SDK1: variants seen among roughly 807,000 people sequenced by gnomAD.
The protein encoded by SDK1 is protein sidekick-1.
Under a neutral mutation model 245.5 loss-of-function variants are expected in SDK1, and 157 were observed. That is an observed-to-expected ratio of 0.64 (90% CI 0.56 to 0.73). The LOEUF (loss-of-function observed/expected upper bound fraction) is 0.73. Ranked by LOEUF, SDK1 falls within the 30% of genes least tolerant of loss-of-function variation. The pLI is 0.00. For missense variants in SDK1, 3,583 were observed against 3,002.3 expected (o/e 1.19, Z -4.52); for synonymous variants, 1,647 against 1,278.5 (o/e 1.29, Z -6.15).
At chr7:4,130,333 C>CT in intron 27 of SDK1, 1 of 542,158 alleles carries the variant, frequency 1.8e-6, no homozygotes, top group Non-Finnish European at 3.2e-6. Flanking sequence ...CCTCATAACT[C>CT]TGCCGTGGGC....
Position 3,440,051 on chromosome 7 carries a change from A to G in SDK1, c.298+138167A>G, listed in dbSNP as rs188739339. Among the ~76,000 whole-genome samples, 41 of 152,312 alleles carry G rather than the reference A, an allele frequency of 2.7e-4. 1 individual carries two copies. Among genetic ancestry groups the G allele is most frequent in the East Asian group, 1.5e-3 (8 of 5,184 alleles). ...TTCACAGTAGTCCCCTCTCACCTGC[A>G]TATTCATTTTTTTGTAGTTTCAGTC... On this transcript the variant is annotated intron_variant, in intron 1 of 44. Coordinates refer to ENST00000404826, the MANE Select transcript of SDK1 (RefSeq NM_152744.4).
intron 4 of SDK1, among the ~76,000 whole-genome samples, chr7:3,813,195 T>A (rs1033222791): frequency 1.3e-5 from 2 of 149,580 alleles, no homozygotes; most frequent in Non-Finnish European, 3.0e-5. Context: ...TGTGCCATGC[T>A]GGTGCGCTGC....
chr7:3,556,433 A>T (rs1349459986), intron 1 of SDK1, among the ~76,000 whole-genome samples: 1 of 152,150 alleles, frequency 6.6e-6, no homozygotes. Context: ...GCAAGTAGGG[A>T]TGGTTAATGG....
At chr7:3,568,807 C>G (rs1014322840) in intron 1 of SDK1, among the ~76,000 whole-genome samples, 3 of 152,168 alleles carry the variant, frequency 2.0e-5, no homozygotes, top group Admixed American at 2.0e-4. Flanking sequence ...CACCGGATCC[C>G]TTCAGGCACC....
chr7:4,170,935 G>A (rs1052682555), intron 32 of SDK1, among the ~76,000 whole-genome samples: 1 of 152,154 alleles, frequency 6.6e-6, no homozygotes, highest in Non-Finnish European at 1.5e-5. Context: ...AAGGAAAAGA[G>A]CATTTAGTAA....
At chr7:3,555,400 C>T (rs1230068198) in intron 1 of SDK1, among the ~76,000 whole-genome samples, 1 of 152,146 alleles carries the variant, frequency 6.6e-6, no homozygotes, top group Non-Finnish European at 1.5e-5. Context: ...TGAAACTAGA[C>T]CTCTATGTCT....
At chr7:4,228,277 A>G (rs1785555079) in intron 40 of SDK1, among the ~76,000 whole-genome samples, 1 of 151,884 alleles carries the variant, frequency 6.6e-6, no homozygotes, top group Non-Finnish European at 1.5e-5. Flanking sequence ...AGAGTCCAGG[A>G]AGGTGCTCTT....
At chr7:3,589,224 A>G (rs934535810) in intron 1 of SDK1, among the ~76,000 whole-genome samples, 2 of 150,674 alleles carry the variant, frequency 1.3e-5, no homozygotes, top group Non-Finnish European at 3.0e-5. Flanking sequence ...GTTGGTGCGG[A>G]CTCTTTGATG....
chr7:3,334,728 G>A (rs901731952), intron 1 of SDK1, among the ~76,000 whole-genome samples: 6 of 152,040 alleles, frequency 3.9e-5, no homozygotes, highest in African/African-American at 1.4e-4. Context: ...TCCTTATTCT[G>A]TTCTTGACTT....
At chr7:3,438,651 A>G (rs1324593665) in intron 1 of SDK1, among the ~76,000 whole-genome samples, 3 of 152,050 alleles carry the variant, frequency 2.0e-5, no homozygotes, top group African/African-American at 7.2e-5. Context: ...GCTGTCACTT[A>G]GTTGGTGTGG....
intron 32 of SDK1, 65 bp from the exon 33 acceptor site, chr7:4,174,157 G>C (rs1371969470): frequency 6.4e-7 from 1 of 1,574,070 alleles, no homozygotes; most frequent in Non-Finnish European, 8.7e-7. Flanking sequence ...GTGGAGGTGA[G>C]CCCTGCTGCA....
chr7:4,142,735 T>TTTTGGCCTCCCAAAA (rs1180912649), intron 28 of SDK1, among the ~76,000 whole-genome samples: 1 of 152,232 alleles, frequency 6.6e-6, no homozygotes, highest in Non-Finnish European at 1.5e-5. Context: ...AATGCTGGGA[T>TTTTGGCCTCCCAAAA]TACAGGCGTG....
intron 1 of SDK1, among the ~76,000 whole-genome samples, chr7:3,383,352 A>C (rs1781536467): frequency 6.6e-6 from 1 of 152,130 alleles, no homozygotes; most frequent in South Asian, 2.1e-4. Context: ...TTAAGATTGC[A>C]GTGAATTATG....
At chr7:3,355,618 C>T (rs1780771446) in intron 1 of SDK1, among the ~76,000 whole-genome samples, 1 of 152,176 alleles carries the variant, frequency 6.6e-6, no homozygotes, top group African/African-American at 2.4e-5. Flanking sequence ...CGGTACCTTT[C>T]ATGGAGGAAA....
chr7:3,556,115 T>A (rs1280296089), intron 1 of SDK1, among the ~76,000 whole-genome samples: 2 of 152,170 alleles, frequency 1.3e-5, no homozygotes, highest in Non-Finnish European at 2.9e-5. Flanking sequence ...TATCTGTACT[T>A]CTATGTTTTT....
At chr7:3,977,748 C>T (rs1484367312) in intron 13 of SDK1, among the ~76,000 whole-genome samples, 3 of 152,258 alleles carry the variant, frequency 2.0e-5, no homozygotes, top group Admixed American at 6.5e-5. Flanking sequence ...GGCTCCCTCT[C>T]CTCCTGGAAC....
intron 1 of SDK1, among the ~76,000 whole-genome samples, chr7:3,449,213 G>C (rs1309938987): frequency 6.6e-6 from 1 of 152,156 alleles, no homozygotes; most frequent in African/African-American, 2.4e-5. Context: ...CCTCAAAGCT[G>C]CACCTACAGA....
chr7:3,552,556 AATTATTTTC>A (rs1697799311), intron 1 of SDK1, among the ~76,000 whole-genome samples: 1 of 152,126 alleles, frequency 6.6e-6, no homozygotes, highest in African/African-American at 2.4e-5. Flanking sequence ...CCTTGGAAAT[AATTATTTTC>A]ATTTTGCTGG....
chr7:3,508,475 C>A (rs1782468331), intron 1 of SDK1, among the ~76,000 whole-genome samples: 1 of 151,656 alleles, frequency 6.6e-6, no homozygotes, highest in South Asian at 2.1e-4. Context: ...TTACAGCTGC[C>A]CGCCACCATG....
Sources: gnomAD v4.1 joint callset for allele counts (sites outside exome capture counted in the v4.1 genomes callset) on GRCh38, gnomAD v4.1.1 for gene constraint, MANE v1.5 for transcripts, NCBI Gene and HGNC (gene_info 2026-07-23, HGNC 2026-07-21) for gene names.